ABCA5: variants seen among roughly 807,000 people sequenced by gnomAD.
The protein encoded by ABCA5 is cholesterol transporter ABCA5.
A neutral mutation model predicts 206.0 loss-of-function variants in ABCA5; 163 were observed. The ratio of observed to expected loss-of-function variants is 0.79; its 90% CI spans 0.70 to 0.90. The LOEUF is 0.90. Among genes scored for constraint, ABCA5 ranks in the 40% least tolerant of loss-of-function variants. The pLI is 0.00. For missense variants in ABCA5, 1,859 were observed against 1,912.9 expected (o/e 0.97, Z 0.53); for synonymous variants, 609 against 613.8 (o/e 0.99, Z 0.11).
rs746179646 is a variant in ABCA5 at position 69,304,687 on chromosome 17, G to A, written c.912C>T (p.Phe304=). 1.9e-6 allele frequency: 3 copies of A among 1,591,422 alleles called. No homozygotes were observed. ...TACTTACAGATGATAATCCATAAAG[G>A]AAAAAAAGCAGAAATATCACAATGC... ...SSSIVIFLLF[F]LYGLSSVFFA... is the part of the protein sequence containing the mutation. The change falls in exon 7 of 39, where the codon TTC becomes TTT. Residue 304 remains phenylalanine (F), a synonymous_variant. Coordinates refer to ENST00000392676, the MANE Select transcript of ABCA5 (RefSeq NM_172232.4).
chr17:69,297,494 T>C, intron 9 of ABCA5, 135 bp from the exon 10 acceptor site: 1 of 697,556 alleles, frequency 1.4e-6, no homozygotes, highest in Non-Finnish European at 2.3e-6. Flanking sequence ...CCAAACATCA[T>C]GTTGTACACA....
chr17:69,300,380 T>C (rs547326445), intron 9 of ABCA5, among the ~76,000 whole-genome samples: 54 of 152,326 alleles, frequency 3.5e-4, no homozygotes, highest in African/African-American at 1.2e-3. Context: ...ACATGCCTCC[T>C]ACTGTGCAGC....
Position 69,253,809 on chromosome 17 carries a change from T to C in ABCA5, c.4305A>G (p.Ala1435=), listed in dbSNP as rs758761906. 3.7e-6 allele frequency: 6 copies of C among 1,612,812 alleles called. No individual in the cohort carries two copies. The African/African-American group carries it at 8.0e-5, about 22-fold the overall frequency. The stretch of plus-strand genomic sequence containing the variant: ...ATGAAAGTACCTTTCGTTTGATTCC[T>C]GCAGGTAGTTTCTTTACAGTCTTCT... ...HLQKTVKKLP[A]GIKRKLCFAL... The change falls in exon 33 of 39, where the codon GCA becomes GCG. Residue 1435 remains alanine, a synonymous_variant. Transcript: ENST00000392676.
intron 19 of ABCA5, among the ~76,000 whole-genome samples, chr17:69,276,307 T>A (rs930752450): frequency 2.0e-5 from 3 of 152,178 alleles, no homozygotes; most frequent in African/African-American, 7.2e-5. Flanking sequence ...CAGGATGGCC[T>A]TGATCTCCTG....
intron 4 of ABCA5, among the ~76,000 whole-genome samples, chr17:69,308,965 A>G (rs1195192848): frequency 6.6e-6 from 1 of 152,090 alleles, no homozygotes; most frequent in Non-Finnish European, 1.5e-5. Flanking sequence ...CAATTACATG[A>G]AAAAAAGAGA....
At chr17:69,286,158 C>T (rs2075449574) in intron 16 of ABCA5, 63 bp downstream of exon 16, 3 of 1,551,088 alleles carry the variant, frequency 1.9e-6, no homozygotes, top group Admixed American at 1.9e-5. Flanking sequence ...CAGCAAGCCT[C>T]CAACATAATA....
chr17:69,303,854 A>ATG (rs1478906854), intron 7 of ABCA5, among the ~76,000 whole-genome samples: 2 of 32,156 alleles, frequency 6.2e-5, no homozygotes, highest in African/African-American at 2.3e-4. Context: ...ACATATATAT[A>ATG]TGTATATATA....
At chr17:69,287,890 ATAAT>A (rs1305855669) in intron 14 of ABCA5, 139 bp from the exon 15 acceptor site, 2 of 835,634 alleles carry the variant, frequency 2.4e-6, no homozygotes, top group Non-Finnish European at 1.6e-6. Context: ...TTTTTCATTC[ATAAT>A]TGAGTTCACA....
intron 30 of ABCA5, 24 bp downstream of exon 30, chr17:69,255,709 T>C (rs376652902): frequency 1.8e-5 from 28 of 1,579,594 alleles, no homozygotes; most frequent in Admixed American, 2.1e-5. Context: ...AGAAAAGTTA[T>C]GTAAGGAAAA....
intron 19 of ABCA5, among the ~76,000 whole-genome samples, chr17:69,276,310 A>C (rs907922952): frequency 2.0e-5 from 3 of 152,024 alleles, no homozygotes; most frequent in African/African-American, 7.2e-5. Context: ...GATGGCCTTG[A>C]TCTCCTGACC....
intron 22 of ABCA5, among the ~76,000 whole-genome samples, chr17:69,269,258 C>T (rs2075244440): frequency 6.6e-6 from 1 of 152,104 alleles, no homozygotes; most frequent in Non-Finnish European, 1.5e-5. Context: ...TGCGGTTACT[C>T]CTACGGAGGA....
Position 69,289,219 on chromosome 17 carries a change from T to C in ABCA5, c.1860A>G (p.Lys620=). The stretch of plus-strand genomic sequence containing the variant: ...CAGCAATTCCTAATGACAGCTTTCT[T>C]TTTTGACCACCACTTAATTTTTTAG... ...NQAKKLSGGQ[K]RKLSLGIAVL... The change falls in exon 14 of 39, where the codon AAA becomes AAG. Residue 620 remains lysine (K), a synonymous_variant. Coordinates refer to ENST00000392676, the MANE Select transcript of ABCA5 (RefSeq NM_172232.4). The C allele has an allele frequency of 9.3e-6, 15 of 1,610,066 alleles. No individual in the cohort carries two copies. The highest frequency in any genetic ancestry group is 1.3e-5 in the Non-Finnish European group (15 of 1,178,362).
intron 1 of ABCA5, among the ~76,000 whole-genome samples, chr17:69,322,311 A>G (rs1016273990): frequency 7.1e-6 from 1 of 141,154 alleles, no homozygotes; most frequent in African/African-American, 2.7e-5. Context: ...TGAAAGTTGC[A>G]GTCAGCTGAC....
At position 69,326,757 on chromosome 17, in the gene ABCA5, C is replaced by T. The variant is rs2075899196; in HGVS notation, c.-16+295G>A. On this transcript the variant is annotated intron_variant, in intron 1 of 38. Coordinates refer to ENST00000392676, the MANE Select transcript of ABCA5 (RefSeq NM_172232.4). This position sits in a 1 kb window ranked among gnomAD's most constrained non-coding sequence, Gnocchi z 4.8. Reference sequence around the variant, plus strand: ...GCCGGACCCGGTCCCAGGGGAGCCTCGCGGAGCCCCCGCCGCAGGGCCCCG... The same window carrying T: ...GCCGGACCCGGTCCCAGGGGAGCCTTGCGGAGCCCCCGCCGCAGGGCCCCG... 6.6e-6 allele frequency among the ~76,000 whole-genome samples: 1 copy of T among 152,174 alleles called. No individual in the cohort carries two copies. Among genetic ancestry groups the T allele is most frequent in the Non-Finnish European group, 1.5e-5 (1 of 68,014 alleles).
chr17:69,262,675 A>T (rs2075162303), intron 24 of ABCA5, among the ~76,000 whole-genome samples: 2 of 152,098 alleles, frequency 1.3e-5, no homozygotes, highest in Admixed American at 6.5e-5. Context: ...TGCTATTGTG[A>T]ATAGTGCTGC....
intron 1 of ABCA5, chr17:69,325,639 A>C (rs995527668): frequency 1.3e-5 from 2 of 152,188 alleles, no homozygotes; most frequent in Non-Finnish European, 2.9e-5. Flanking sequence ...AAAGACATGC[A>C]ACAAACCAGC....
At chr17:69,321,160 G>GA (rs899009002) in intron 1 of ABCA5, among the ~76,000 whole-genome samples, 7 of 152,170 alleles carry the variant, frequency 4.6e-5, no homozygotes, top group Non-Finnish European at 1.0e-4. Context: ...GATGAAGGAA[G>GA]AATGTGGGAA....
chr17:69,299,110 T>C (rs2075622807), intron 9 of ABCA5, among the ~76,000 whole-genome samples: 1 of 152,108 alleles, frequency 6.6e-6, no homozygotes. Flanking sequence ...AAAACCACAA[T>C]GTGATACCAC....
At chr17:69,303,401 G>A (rs1015808488) in intron 7 of ABCA5, among the ~76,000 whole-genome samples, 1 of 151,926 alleles carries the variant, frequency 6.6e-6, no homozygotes, top group Admixed American at 6.6e-5. Context: ...ACGGGTGTGA[G>A]CCACCACATC....
Sources: gnomAD v4.1 joint callset for allele counts (sites outside exome capture counted in the v4.1 genomes callset) on GRCh38, gnomAD v4.1.1 for gene constraint, Gnocchi (gnomAD v3.1) non-coding constraint, MANE v1.5 for transcripts, NCBI Gene and HGNC (gene_info 2026-07-23, HGNC 2026-07-21) for gene names.